BMPR1B: variants seen among roughly 807,000 people sequenced by gnomAD.
The protein encoded by BMPR1B is bone morphogenetic protein receptor type-1B.
In BMPR1B, 12 loss-of-function variants were observed where a neutral mutation model predicts 59.1. The observed-to-expected ratio is 0.20, with a 90% confidence interval of 0.13 to 0.33. The LOEUF (loss-of-function observed/expected upper bound fraction) is 0.33. Among genes scored for constraint, BMPR1B ranks in the 10% least tolerant of loss-of-function variants. The pLI is 1.00. For missense variants in BMPR1B, 550 were observed against 610.9 expected, an observed-to-expected ratio of 0.90 and a Z score of 1.05; for synonymous variants, 237 against 207.3, an observed-to-expected ratio of 1.14 and a Z score of -1.23.
chr4:94,996,554 G>A (rs764431203), intron 3 of BMPR1B, among the ~76,000 whole-genome samples: 2 of 152,196 alleles, frequency 1.3e-5, no homozygotes, highest in Non-Finnish European at 2.9e-5. Context: ...AGGTGCAGTA[G>A]TCAGTGTCAA....
At chr4:94,883,381 CCTTAT>C (rs1487482744) in intron 2 of BMPR1B, among the ~76,000 whole-genome samples, 1 of 152,004 alleles carries the variant, frequency 6.6e-6, no homozygotes, top group Non-Finnish European at 1.5e-5. Context: ...TTATAGATGG[CCTTAT>C]CTTATATTCT....
intron 2 of BMPR1B, among the ~76,000 whole-genome samples, chr4:94,986,415 G>A (rs1204066227): frequency 2.0e-5 from 3 of 152,092 alleles, no homozygotes; most frequent in Non-Finnish European, 2.9e-5. Flanking sequence ...TGAACGTAAA[G>A]TTTTCAAAAA....
At chr4:95,086,998 CTTTTTT>C (rs34460668) in intron 3 of BMPR1B, among the ~76,000 whole-genome samples, 6 of 103,102 alleles carry the variant, frequency 5.8e-5, no homozygotes, top group Admixed American at 1.1e-4. Context: ...TCATATCCTT[CTTTTTT>C]TTTTTTTTTT....
At chr4:94,844,077 A>G (rs1161057706) in intron 1 of BMPR1B, among the ~76,000 whole-genome samples, 1 of 152,188 alleles carries the variant, frequency 6.6e-6, no homozygotes, top group Non-Finnish European at 1.5e-5. Flanking sequence ...AGTAAGTTCT[A>G]GAGATCTCAT....
At position 95,094,923 on chromosome 4, in the gene BMPR1B, C is replaced by G. The variant is rs529378587; in HGVS notation, c.-17-9485C>G. Among the ~76,000 whole-genome samples the G allele has an allele frequency of 3.2e-4, 49 of 152,140 alleles. No individual in the cohort carries two copies. The South Asian group carries it at 9.1e-3, about 28-fold the overall frequency. ...GTTAATATTAGAAAATCTGTTCTTT[C>G]CCTACATATGATTTTGCTCTGGTAT... On this transcript the variant is annotated intron_variant, in intron 3 of 12. Coordinates refer to ENST00000515059, the MANE Select transcript of BMPR1B (RefSeq NM_001203.3).
rs546355635 is a variant in BMPR1B, at chr4:94,961,820, A to T, written c.-112-34220A>T. On this transcript the variant is annotated intron_variant, in intron 2 of 12. Coordinates refer to ENST00000515059, the MANE Select transcript of BMPR1B (RefSeq NM_001203.3). The stretch of plus-strand genomic sequence containing the variant: ...AACTTTTTATTTTTAATTTTTATGA[A>T]TGCATAATAGTTGTAAATATTTATG... Among the ~76,000 whole-genome samples the T allele has an allele frequency of 1.3e-4, 20 of 152,278 alleles. No individual in the cohort carries two copies. The South Asian group carries it at 3.7e-3, about 28-fold the overall frequency.
chr4:94,885,569 GA>G (rs1055678114), intron 2 of BMPR1B, among the ~76,000 whole-genome samples: 11 of 151,870 alleles, frequency 7.2e-5, no homozygotes, highest in African/African-American at 2.2e-4. Context: ...AAACTTCAGG[GA>G]AAAAAAGACA....
intron 1 of BMPR1B, among the ~76,000 whole-genome samples, chr4:94,819,581 G>A (rs1724130894): frequency 6.6e-6 from 1 of 152,166 alleles, no homozygotes; most frequent in African/African-American, 2.4e-5. Flanking sequence ...TTAAACAGCT[G>A]CTTACTCTGT....
intron 3 of BMPR1B, among the ~76,000 whole-genome samples, chr4:95,083,418 C>CA (rs979877500): frequency 8.7e-5 from 13 of 149,992 alleles, no homozygotes; most frequent in African/African-American, 2.2e-4. Flanking sequence ...GTTGTAGAAG[C>CA]AAAAAAAAAT....
At chr4:94,990,906 T>G (rs1721708199) in intron 2 of BMPR1B, among the ~76,000 whole-genome samples, 1 of 152,230 alleles carries the variant, frequency 6.6e-6, no homozygotes, top group African/African-American at 2.4e-5. Context: ...CCTGTCTCAC[T>G]TTCCTTGCTT....
At chr4:95,083,458 AAG>A (rs1194789413) in intron 3 of BMPR1B, among the ~76,000 whole-genome samples, 1 of 152,180 alleles carries the variant, frequency 6.6e-6, no homozygotes, top group Non-Finnish European at 1.5e-5. Flanking sequence ...TTAGAAGCTC[AAG>A]AGTTAGAAGT....
intron 3 of BMPR1B, among the ~76,000 whole-genome samples, chr4:95,047,917 C>T (rs1194127279): frequency 6.6e-6 from 1 of 151,974 alleles, no homozygotes; most frequent in African/African-American, 2.4e-5. Flanking sequence ...AGCATAGTAC[C>T]CAGTAGTTTT....
chr4:94,934,510 C>CAGCATAGT (rs1372504094), intron 2 of BMPR1B, among the ~76,000 whole-genome samples: 1 of 128,728 alleles, frequency 7.8e-6, no homozygotes, highest in East Asian at 2.3e-4. Context: ...GAACAAATGG[C>CAGCATAGT]AGCATAGTTA....
At chr4:94,886,140 G>A (rs1235339834) in intron 2 of BMPR1B, among the ~76,000 whole-genome samples, 1 of 152,118 alleles carries the variant, frequency 6.6e-6, no homozygotes, top group African/African-American at 2.4e-5. Flanking sequence ...AAAATAACAA[G>A]TGAAAAATAA....
intron 10 of BMPR1B, among the ~76,000 whole-genome samples, chr4:95,137,973 C>T (rs140395544): frequency 3.8e-3 from 582 of 152,230 alleles, no homozygotes; most frequent in African/African-American, 7.0e-3. Flanking sequence ...ATATTTTGCT[C>T]GTTAGTTGAT....
At chr4:94,880,717 C>T (rs1286691480) in intron 2 of BMPR1B, among the ~76,000 whole-genome samples, 1 of 147,056 alleles carries the variant, frequency 6.8e-6, no homozygotes, top group Non-Finnish European at 1.5e-5. Flanking sequence ...TGGCTCACTA[C>T]ACCTTCCACC....
At chr4:94,763,899 A>G (rs1390470736) in intron 1 of BMPR1B, among the ~76,000 whole-genome samples, 1 of 152,198 alleles carries the variant, frequency 6.6e-6, no homozygotes, top group Non-Finnish European at 1.5e-5. Flanking sequence ...ATACACATTT[A>G]GCCATGATAG....
chr4:94,776,032 G>A (rs551972578), intron 1 of BMPR1B, among the ~76,000 whole-genome samples: 330 of 151,418 alleles, frequency 2.2e-3, no homozygotes, highest in African/African-American at 7.5e-3. Flanking sequence ...TGGGGCTTGC[G>A]GTGAGCTGAG....
At chr4:94,833,010 C>T (rs1038354645) in intron 1 of BMPR1B, among the ~76,000 whole-genome samples, 2 of 151,806 alleles carry the variant, frequency 1.3e-5, no homozygotes, top group African/African-American at 2.4e-5. Context: ...GCAACATAGT[C>T]AGACTGTCTC....
Sources: allele counts gnomAD v4.1 joint callset (sites outside exome capture counted in the v4.1 genomes callset), GRCh38; gene constraint gnomAD v4.1.1; transcripts MANE v1.5; gene names NCBI Gene and HGNC (gene_info 2026-07-23, HGNC 2026-07-21).